ARHGEF10: variants seen among roughly 807,000 people sequenced by gnomAD.
ARHGEF10 encodes the protein Rho guanine nucleotide exchange factor (GEF) 10.
ARHGEF10 carries 140 observed loss-of-function variants against 147.4 expected under a neutral mutation model. That is an observed-to-expected ratio of 0.95 (90% confidence interval 0.83 to 1.09). The LOEUF (loss-of-function observed/expected upper bound fraction) is 1.09, where lower values mean the gene tolerates loss of function less well. Among genes scored for constraint, ARHGEF10 ranks in the 50% least tolerant of loss-of-function variants. The probability of loss-of-function intolerance (pLI) is 0.00; values close to 1 mark genes in which losing one functional copy is unlikely to be tolerated. For missense variants in ARHGEF10, 2,222 were observed against 1,752.7 expected, an observed-to-expected ratio of 1.27 and a Z score of -4.78; for synonymous variants, 902 against 695.8, an observed-to-expected ratio of 1.30 and a Z score of -4.67.
At chr8:1,947,684 G>A (rs1162551455) in intron 27 of ARHGEF10, among the ~76,000 whole-genome samples, 1 of 22,320 alleles carries the variant, frequency 4.5e-5, no homozygotes, top group Non-Finnish European at 8.4e-5. Context: ...ACCCCACCCC[G>A]CATTCAGCAC....
intron 7 of ARHGEF10, among the ~76,000 whole-genome samples, chr8:1,874,633 C>G (rs987025750): frequency 1.3e-5 from 2 of 152,078 alleles, no homozygotes; most frequent in African/African-American, 2.4e-5. Flanking sequence ...CTAAGACAGG[C>G]TGGAGGAACA....
chr8:1,922,497 C>T (rs558313744), intron 18 of ARHGEF10, among the ~76,000 whole-genome samples: 7 of 152,110 alleles, frequency 4.6e-5, no homozygotes, highest in East Asian at 3.9e-4. Context: ...GTCAGGGTCG[C>T]GAAAGAGGAA....
rs1415793333 is a variant in ARHGEF10 at position 1,909,346 on chromosome 8, G to C, written c.2019G>C (p.Trp673Cys). ...GCAGCCAGAGGTACTTGCTGAAGTG[G>C]AGCGTTCCACTGGGACATGTGGACG... ...VMSSQRYLLK[W>C]SVPLGHVDAI... Residue 673 changes from tryptophan (W) to cysteine (C), a missense_variant, in exon 18 of 29, where the codon TGG becomes TGC. Trp to Cys is a radical substitution (Grantham distance 215). Transcript: ENST00000349830. 6.2e-7 allele frequency: 1 copy of C among 1,614,248 alleles called. No individual in the cohort carries two copies. The highest frequency in any genetic ancestry group is 1.7e-5 in the Admixed American group (1 of 60,018).
At chr8:1,950,258 ACTGTTGGTG>A (rs1485560749) in intron 27 of ARHGEF10, among the ~76,000 whole-genome samples, 5 of 152,130 alleles carry the variant, frequency 3.3e-5, no homozygotes, top group Non-Finnish European at 5.9e-5. Flanking sequence ...GTTCTAGGTC[ACTGTTGGTG>A]CTTCCGGACG....
At position 1,850,070 on chromosome 8, in the gene ARHGEF10, G is replaced by A. The variant is rs12541989; in HGVS notation, c.37+6634G>A. ...GCTGAGGAGGGCGTGGGCCGGCTGC[G>A]TGGACACAGAGGGCAAATGCTGAGG... On this transcript the variant is annotated intron_variant, in intron 2 of 28. Transcript: ENST00000349830. 1.8e-3 allele frequency among the ~76,000 whole-genome samples: 150 copies of A among 83,702 alleles called. 1 individual carries two copies. Among genetic ancestry groups the A allele is most frequent in the East Asian group, 2.5e-3 (6 of 2,402 alleles). 54.9% of individuals were successfully genotyped at this position (83,702 alleles called of 152,430 possible).
intron 1 of ARHGEF10, among the ~76,000 whole-genome samples, chr8:1,837,645 G>A (rs527479331): frequency 2.6e-5 from 4 of 152,310 alleles, no homozygotes; most frequent in Admixed American, 2.6e-4. Context: ...CGCGGCAGGC[G>A]TACAGCTGGC....
intron 18 of ARHGEF10, among the ~76,000 whole-genome samples, chr8:1,920,465 G>T (rs1444911155): frequency 6.6e-6 from 1 of 151,468 alleles, no homozygotes; most frequent in Non-Finnish European, 1.5e-5. Context: ...TGGGACTACA[G>T]GCGCGCATCA....
Position 1,894,480 on chromosome 8 carries a change from C to G in ARHGEF10, c.1348C>G (p.Leu450Val). 6.2e-7 allele frequency: 1 copy of G among 1,614,214 alleles called. No individual in the cohort carries two copies. Among genetic ancestry groups the G allele is most frequent in the Non-Finnish European group, 8.5e-7 (1 of 1,180,036 alleles). Residue 450 changes from leucine (L) to valine (V), a missense_variant, in exon 13 of 29, where the codon CTG becomes GTG. Coordinates refer to ENST00000349830, the MANE Select transcript of ARHGEF10 (RefSeq NM_014629.4). ...KTVFYRVKEI[L>V]QCHSLFQIAL... ...GGTGTTCTACCGAGTCAAAGAGATCCTGCAGTGCCACTCGCTATTTCAGAT... is the reference window on the plus strand; with the variant it reads ...GGTGTTCTACCGAGTCAAAGAGATCGTGCAGTGCCACTCGCTATTTCAGAT...
chr8:1,902,915 G>C (rs2129173660), intron 15 of ARHGEF10, among the ~76,000 whole-genome samples: 1 of 152,298 alleles, frequency 6.6e-6, no homozygotes, highest in Admixed American at 6.5e-5. Context: ...TTTGAAGAAA[G>C]TAGCTGGACC....
chr8:1,842,509 T>C (rs1196698689), intron 1 of ARHGEF10, among the ~76,000 whole-genome samples: 3 of 152,186 alleles, frequency 2.0e-5, no homozygotes, highest in African/African-American at 7.2e-5. Flanking sequence ...GGAGCTGGCC[T>C]GTGGGTGACA....
chr8:1,893,925 G>A (rs931061417), intron 12 of ARHGEF10, among the ~76,000 whole-genome samples: 1 of 152,046 alleles, frequency 6.6e-6, no homozygotes, highest in Admixed American at 6.5e-5. Flanking sequence ...TGTAATCCTA[G>A]CACTTTGGGA....
At chr8:1,942,768 A>T (rs967192358) in intron 26 of ARHGEF10, among the ~76,000 whole-genome samples, 5 of 152,214 alleles carry the variant, frequency 3.3e-5, no homozygotes, top group Admixed American at 2.6e-4. Flanking sequence ...AAAGGAGTGA[A>T]GCCCCAACTC....
intron 23 of ARHGEF10, among the ~76,000 whole-genome samples, 164 bp from the exon 24 acceptor site, chr8:1,928,263 G>C (rs915543397): frequency 6.6e-6 from 1 of 151,880 alleles, no homozygotes; most frequent in African/African-American, 2.4e-5. Context: ...AAAGAAAAAG[G>C]GGCTCTGTGA....
intron 14 of ARHGEF10, among the ~76,000 whole-genome samples, chr8:1,897,329 G>C (rs1810059738): frequency 6.6e-6 from 1 of 152,192 alleles, no homozygotes; most frequent in Admixed American, 6.5e-5. Context: ...GGTTTGCTAA[G>C]GGATCGGATC....
rs1478649322 is a variant in ARHGEF10 at position 1,888,548 on chromosome 8, G to T, written c.1182+2841G>T. Among the ~76,000 whole-genome samples the T allele has an allele frequency of 9.9e-5, 14 of 141,620 alleles. 2 individuals carry two copies. Among genetic ancestry groups the T allele is most frequent in the African/African-American group, 3.7e-4 (13 of 34,780 alleles). The allele number at this position is 141,620 out of a possible 152,430, so 92.9% of individuals were successfully genotyped here. A position where few individuals can be genotyped will look rare whatever the true frequency, so the allele number is the denominator to read the frequency against. On this transcript the variant is annotated intron_variant, in intron 11 of 28. Transcript: ENST00000349830. Reference sequence around the variant, plus strand: ...GGGGTCTGTGAGGAGACGCTGAGTGGGGTGAGGTATGGGGAGACACTGAGT... The same window carrying T: ...GGGGTCTGTGAGGAGACGCTGAGTGTGGTGAGGTATGGGGAGACACTGAGT...
intron 1 of ARHGEF10, among the ~76,000 whole-genome samples, chr8:1,833,796 C>T (rs943304064): frequency 6.6e-6 from 1 of 152,244 alleles, no homozygotes; most frequent in Non-Finnish European, 1.5e-5. Flanking sequence ...GCCGCTGACC[C>T]CCATCCCCAG....
Position 1,925,324 on chromosome 8 carries a change from G to C in ARHGEF10, c.2530G>C (p.Gly844Arg), listed in dbSNP as rs1043820437. The C allele has an allele frequency of 5.6e-6, 9 of 1,614,194 alleles. No homozygotes were observed. Among genetic ancestry groups the C allele is most frequent in the Non-Finnish European group, 7.6e-6 (9 of 1,180,032 alleles). Residue 844 changes from glycine (G) to arginine (R), a missense_variant, in exon 22 of 29, where the codon GGG (glycine) becomes CGG (arginine). By Grantham distance (125) the Gly-to-Arg change is moderately radical. Transcript: ENST00000349830. The stretch of plus-strand genomic sequence containing the variant: ...GGGCTGGTTCTGTGTGGAAGACGAT[G>C]GGAATCACATTAAAAAGGAGAAGCA... ...HMGWFCVEDDGNHIKKEKHPL... is the reference protein window; with the variant it reads ...HMGWFCVEDDRNHIKKEKHPL...
At chr8:1,880,558 A>G (rs985654191) in intron 9 of ARHGEF10, among the ~76,000 whole-genome samples, 8 of 152,252 alleles carry the variant, frequency 5.3e-5, no homozygotes, top group Non-Finnish European at 8.8e-5. Context: ...CATTTATAAA[A>G]ATATCCAAAA....
At chr8:1,873,870 T>G (rs1807402871) in intron 7 of ARHGEF10, among the ~76,000 whole-genome samples, 1 of 152,072 alleles carries the variant, frequency 6.6e-6, no homozygotes, top group Admixed American at 6.6e-5. Context: ...TTTTCTTTTT[T>G]TTTTATTGTG....
Sources: gnomAD v4.1 joint callset for allele counts (sites outside exome capture counted in the v4.1 genomes callset) on GRCh38, gnomAD v4.1.1 for gene constraint, MANE v1.5 for transcripts, NCBI Gene and HGNC (gene_info 2026-07-23, HGNC 2026-07-21) for gene names.